Variants in ENOSF1 observed in about 807,000 individuals in gnomAD.
The protein encoded by ENOSF1 is enolase superfamily member 1.
In ENOSF1, 73 loss-of-function variants were observed where a neutral mutation model predicts 68.2. That is an observed-to-expected ratio of 1.07 (90% CI 0.89 to 1.30). The LOEUF is 1.30. ENOSF1 is among the 50% of genes most tolerant of loss of function. The pLI is 0.00. For missense variants in ENOSF1, 589 were observed against 554.5 expected, an observed-to-expected ratio of 1.06 and a Z score of -0.62; for synonymous variants, 223 against 210.4, an observed-to-expected ratio of 1.06 and a Z score of -0.52.
chr18:703,270 G>A (rs1280014893), intron 2 of ENOSF1, among the ~76,000 whole-genome samples: 1 of 152,122 alleles, frequency 6.6e-6, no homozygotes, highest in Admixed American at 6.6e-5. Flanking sequence ...ACTGAGCTCA[G>A]CACCCATCCC....
intron 9 of ENOSF1, 21 bp downstream of exon 9, chr18:688,548 AAAGTC>A (rs2076846195): frequency 6.2e-7 from 1 of 1,613,766 alleles, no homozygotes. Context: ...GCCAACTGGG[AAAGTC>A]AGGTCCATCA....
intron 11 of ENOSF1, among the ~76,000 whole-genome samples, chr18:680,694 T>C (rs2075990497): frequency 1.3e-5 from 2 of 149,490 alleles, no homozygotes; most frequent in South Asian, 4.3e-4. Flanking sequence ...TTTTTTTTTT[T>C]TTTTGAGATG....
At chr18:669,006 T>TA (rs1178686492), downstream of ENOSF1, 20 of 1,359,648 alleles carry the variant, frequency 1.5e-5, no homozygotes, top group Admixed American at 5.1e-5. Context: ...AGATGACCTC[T>TA]AAGGCCATCT....
At position 705,824 on chromosome 18, in the gene ENOSF1, C is replaced by T. The variant is rs532201454; in HGVS notation, c.193+646G>A. On this transcript the variant is annotated intron_variant, in intron 2 of 15. Coordinates refer to ENST00000647584, the MANE Select transcript of ENOSF1 (RefSeq NM_017512.7). ...AGGAGTTCGAGACCAGCCTGGTCAA[C>T]ATGGTGAAACCCTGTCTCTACTAAA... Among the ~76,000 whole-genome samples the T allele has an allele frequency of 2.6e-5, 4 of 152,064 alleles. No individual in the cohort carries two copies. In the South Asian group the frequency reaches 8.3e-4, roughly 32 times the overall value.
chr18:702,866 T>C (rs552742973), intron 2 of ENOSF1, among the ~76,000 whole-genome samples: 1 of 152,364 alleles, frequency 6.6e-6, no homozygotes, highest in East Asian at 1.9e-4. Flanking sequence ...TGGTATATTC[T>C]ATACATTTGA....
intron 2 of ENOSF1, among the ~76,000 whole-genome samples, chr18:703,742 T>C (rs907022344): frequency 6.6e-6 from 1 of 152,200 alleles, no homozygotes; most frequent in Non-Finnish European, 1.5e-5. Flanking sequence ...CCCCCTGAGA[T>C]GGTTTAGACA....
intron 1 of ENOSF1, among the ~76,000 whole-genome samples, chr18:710,049 C>G (rs971779071): frequency 6.6e-6 from 1 of 152,202 alleles, no homozygotes; most frequent in Middle Eastern, 3.2e-3. Flanking sequence ...TGTCTCCTTA[C>G]CCTGTGTTAG....
Position 691,187 on chromosome 18 carries a change from A to C in ENOSF1, c.496+17T>G. ...TGTGTGTGCACGTCGTGTATCCCAG[A>C]AAGCTTCCAAACTCACCTAGGGCAT... On this transcript the variant is annotated intron_variant, in intron 6 of 15. Coordinates refer to ENST00000647584, the MANE Select transcript of ENOSF1 (RefSeq NM_017512.7). 6.2e-7 allele frequency: 1 copy of C among 1,614,058 alleles called. No individual in the cohort carries two copies. Among genetic ancestry groups the C allele is most frequent in the Non-Finnish European group, 8.5e-7 (1 of 1,179,944 alleles).
chr18:668,921 C>G, downstream of ENOSF1: 2 of 592,722 alleles, frequency 3.4e-6, no homozygotes, highest in Non-Finnish European at 5.8e-6. Context: ...CCACCGAGAT[C>G]TGCAAACTTT....
Position 700,039 on chromosome 18 carries a change from C to A in ENOSF1, c.194-2684G>T, listed in dbSNP as rs112825666. Reference sequence around the variant, plus strand: ...AGGTTGCAGTGAGCCAAGACCATGCCATTGCACTCCAGCCTGGGCAACAAG... The same window carrying A: ...AGGTTGCAGTGAGCCAAGACCATGCAATTGCACTCCAGCCTGGGCAACAAG... On this transcript the variant is annotated intron_variant, in intron 2 of 15. Coordinates refer to ENST00000647584, the MANE Select transcript of ENOSF1 (RefSeq NM_017512.7). 4.7e-3 allele frequency among the ~76,000 whole-genome samples: 719 copies of A among 152,264 alleles called. 6 individuals carry two copies. The highest frequency in any genetic ancestry group is 0.016 in the African/African-American group (676 of 41,554).
chr18:681,809 C>A (rs1174271415), intron 11 of ENOSF1, among the ~76,000 whole-genome samples: 2 of 152,222 alleles, frequency 1.3e-5, no homozygotes, highest in South Asian at 2.1e-4. Context: ...CATATCTCGG[C>A]TGTTCTCTCC....
chr18:678,547 TA>T (rs2075750458), intron 12 of ENOSF1, 148 bp downstream of exon 12: 1 of 768,112 alleles, frequency 1.3e-6, no homozygotes, highest in African/African-American at 1.7e-5. Flanking sequence ...TAGACTCTGA[TA>T]AAATGACCCA....
Position 676,139 on chromosome 18 carries a change from T to G in ENOSF1, c.1149-737A>C, listed in dbSNP as rs189636000. 2.2e-4 allele frequency among the ~76,000 whole-genome samples: 33 copies of G among 152,358 alleles called. No homozygotes were observed. In the East Asian group the frequency reaches 6.4e-3, roughly 29 times the overall value. ...CAGAGGATTTAGAATCAGGTCAATC[T>G]GTGTTCAGGTTCTGCGTCAGCCACT... is the stretch of plus-strand genomic sequence containing the variant. On this transcript the variant is annotated intron_variant, in intron 14 of 15. Coordinates refer to ENST00000647584, the MANE Select transcript of ENOSF1 (RefSeq NM_017512.7).
intron 5 of ENOSF1, 57 bp from the exon 6 acceptor site, chr18:691,333 T>C: frequency 1.4e-6 from 2 of 1,453,150 alleles, no homozygotes; most frequent in Non-Finnish European, 1.9e-6. Flanking sequence ...GGGTTATATT[T>C]TGTTTTTTAA....
At chr18:667,257 TGATGGAGATGGTGATGGTGATGG>T (rs1567990243), downstream of ENOSF1, among the ~76,000 whole-genome samples, 407 of 21,108 alleles carry the variant, frequency 0.019, 85 homozygotes, top group East Asian at 0.038. Context: ...ATGGTGATGG[TGATGGAGATGGTGATGGTGATGG>T]GATGGTGATG....
chr18:675,436 C>T, intron 14 of ENOSF1, 34 bp from the exon 15 acceptor site: 1 of 1,566,082 alleles, frequency 6.4e-7, no homozygotes, highest in Non-Finnish European at 8.8e-7. Context: ...GGCAATGATG[C>T]CTGAAGTCAG....
At chr18:711,839 G>A (rs1454789836) in intron 1 of ENOSF1, among the ~76,000 whole-genome samples, 1 of 152,122 alleles carries the variant, frequency 6.6e-6, no homozygotes, top group African/African-American at 2.4e-5. Flanking sequence ...CAGTTAGCAC[G>A]CGCTTGGTTT....
At position 673,043 on chromosome 18, in the gene ENOSF1, T is replaced by A. The variant is rs1481077824; in HGVS notation, c.*1262A>T. The A allele has an allele frequency of 6.9e-7, 1 of 1,455,478 alleles. No individual in the cohort carries two copies. The highest frequency in any genetic ancestry group is 1.4e-5 in the African/African-American group (1 of 71,778). The allele number at this position is 1,455,478 out of a possible 1,614,324, so 90.2% of individuals were successfully genotyped here. A position where few individuals can be genotyped will look rare whatever the true frequency, so the allele number is the denominator to read the frequency against. On this transcript the variant is annotated 3_prime_UTR_variant, in exon 16 of 16. Transcript: ENST00000647584. ...AAGGATATTGTCAGTCTTTAGGGGT[T>A]GGGCTGGATGCCGAGGTAAAAGTTC...
intron 8 of ENOSF1, among the ~76,000 whole-genome samples, chr18:690,279 G>C (rs1438778637): frequency 6.6e-6 from 1 of 152,198 alleles, no homozygotes; most frequent in East Asian, 1.9e-4. Flanking sequence ...CTTGTGACTG[G>C]CATCTGCCAT....
Sources: allele counts gnomAD v4.1 joint callset (sites outside exome capture counted in the v4.1 genomes callset), GRCh38; gene constraint gnomAD v4.1.1; transcripts MANE v1.5; gene names NCBI Gene and HGNC (gene_info 2026-07-23, HGNC 2026-07-21).